Variants in SYNE1 observed in about 807,000 individuals in gnomAD.
SYNE1 encodes nesprin-1.
Under a neutral mutation model 1,111.0 loss-of-function variants are expected in SYNE1, and 616 were observed. The ratio of observed to expected loss-of-function variants is 0.55; its 90% confidence interval spans 0.52 to 0.59. SYNE1 has a LOEUF of 0.59. Ranked by LOEUF, SYNE1 falls within the 20% of genes least tolerant of loss-of-function variation. The pLI is 0.00. For missense variants in SYNE1, 10,006 were observed against 10,417.0 expected (o/e 0.96, Z 1.72); for synonymous variants, 3,855 against 3,825.8 (o/e 1.01, Z -0.28).
At position 152,502,664 on chromosome 6, in the gene SYNE1, T is replaced by A. The variant is rs1365547560; in HGVS notation, c.857A>T (p.His286Leu). Reference sequence around the variant, plus strand: ...CTCTTGCCCATCAGTGCTTGCATTGTGGATGTCAGGATAATGTTTCAGAAA... The same window carrying A: ...CTCTTGCCCATCAGTGCTTGCATTGAGGATGTCAGGATAATGTTTCAGAAA... ...AQFLKHYPDI[H>L]NASTDGQEDD... The change falls in exon 10 of 146, where the codon CAC becomes CTC. Residue 286 changes from histidine to leucine, a missense_variant. This residue lies in a region of SYNE1 where 1,971 missense variants were observed against 2,084.1 expected (regional missense o/e 0.95). Transcript: ENST00000367255. The A allele has an allele frequency of 6.2e-7, 1 of 1,613,902 alleles. No homozygotes were observed. The highest frequency in any genetic ancestry group is 1.7e-5 in the Admixed American group (1 of 60,028).
intron 132 of SYNE1, 41 bp from the exon 133 acceptor site, chr6:152,155,083 A>G: frequency 6.2e-7 from 1 of 1,613,306 alleles, no homozygotes; most frequent in Non-Finnish European, 8.5e-7. Context: ...ATTATTGGAG[A>G]CTGTTTTCGC....
intron 3 of SYNE1, among the ~76,000 whole-genome samples, chr6:152,599,782 T>A (rs2099591791): frequency 6.6e-6 from 1 of 152,224 alleles, no homozygotes; most frequent in South Asian, 2.1e-4. Flanking sequence ...TTACTTATCC[T>A]ACAAAAGCAA....
chr6:152,198,057 G>A (rs1169844633), intron 127 of SYNE1, among the ~76,000 whole-genome samples: 5 of 150,552 alleles, frequency 3.3e-5, no homozygotes, highest in Admixed American at 2.0e-4. Context: ...AAGGAAAGAC[G>A]GAAAGAAAGA....
At chr6:152,503,188 T>C (rs1023789904) in intron 9 of SYNE1, among the ~76,000 whole-genome samples, 1 of 152,140 alleles carries the variant, frequency 6.6e-6, no homozygotes, top group Non-Finnish European at 1.5e-5. Flanking sequence ...CATATATATA[T>C]ATATACACAC....
intron 3 of SYNE1, among the ~76,000 whole-genome samples, chr6:152,588,641 A>G (rs1396422439): frequency 6.6e-6 from 1 of 152,148 alleles, no homozygotes; most frequent in Non-Finnish European, 1.5e-5. Context: ...GTGGGATGTC[A>G]GACTTGCCAG....
chr6:152,176,848 A>G (rs1284804704), intron 129 of SYNE1, among the ~76,000 whole-genome samples: 1 of 152,160 alleles, frequency 6.6e-6, no homozygotes, highest in Non-Finnish European at 1.5e-5. Flanking sequence ...AGATAGATAT[A>G]AAAAATAAAA....
chr6:152,302,834 A>G (rs543453382), intron 91 of SYNE1, among the ~76,000 whole-genome samples: 1 of 152,266 alleles, frequency 6.6e-6, no homozygotes, highest in East Asian at 1.9e-4. Flanking sequence ...TTGAGCAGAC[A>G]AGAATGAAAA....
rs1048065610 is a variant in SYNE1 at position 152,141,215 on chromosome 6, T to C, written c.25234A>G (p.Thr8412Ala). Residue 8412 changes from threonine (T) to alanine (A), a missense_variant, in exon 139 of 146, where the codon ACC becomes GCC. By Grantham distance (58) the Thr-to-Ala change is moderately conservative. Around this residue, in one of 7 missense-constraint regions of SYNE1, gnomAD observed 761 missense variants for 795.5 expected, o/e 0.96. Transcript: ENST00000367255. Reference sequence around the variant, plus strand: ...GCTACGCACTCACCAGCCGTTTGGGTTTCGGTACTATGCAGGTTAACAAAG... The same window carrying C: ...GCTACGCACTCACCAGCCGTTTGGGCTTCGGTACTATGCAGGTTAACAAAG... Reference protein sequence around the residue: ...PGFVNLHSTETQTAGVIDRWE... With the variant: ...PGFVNLHSTEAQTAGVIDRWE... 5 of 1,613,402 alleles carry C rather than the reference T, an allele frequency of 3.1e-6. No homozygotes were observed. The Admixed American group carries it at 5.0e-5, about 16-fold the overall frequency.
chr6:152,282,300 A>T (rs1454947262), intron 96 of SYNE1, among the ~76,000 whole-genome samples: 1 of 152,212 alleles, frequency 6.6e-6, no homozygotes, highest in Non-Finnish European at 1.5e-5. Context: ...GAACAAAACA[A>T]TGGCATAAAG....
At chr6:152,353,998 G>C (rs1364774505) in intron 67 of SYNE1, among the ~76,000 whole-genome samples, 1 of 152,108 alleles carries the variant, frequency 6.6e-6, no homozygotes, top group Non-Finnish European at 1.5e-5. Context: ...AAACAGGCCA[G>C]GTGCGGTGGC....
rs530815196 is a variant in SYNE1 at position 152,126,518 on chromosome 6, G to A, written c.26154-3842C>T. The A allele has an allele frequency of 3.9e-5, 6 of 152,208 alleles. No individual in the cohort carries two copies. The South Asian group carries it at 1.2e-3, about 32-fold the overall frequency. 9.4% of individuals were successfully genotyped at this position (152,208 alleles called of 1,614,324 possible). On this transcript the variant is annotated intron_variant, in intron 145 of 145. Coordinates refer to ENST00000367255, the MANE Select transcript of SYNE1 (RefSeq NM_182961.4). Reference sequence around the variant, plus strand: ...GCCAGTTTAGATTGTGTTTATATAGGAAAAATTAAATGTGTGAGCCTCCTT... The same window carrying A: ...GCCAGTTTAGATTGTGTTTATATAGAAAAAATTAAATGTGTGAGCCTCCTT...
At position 152,465,828 on chromosome 6, in the gene SYNE1, C is replaced by T. The variant is rs13211693; in HGVS notation, c.1729+154G>A. Among the ~76,000 whole-genome samples the T allele has an allele frequency of 0.18, 26,989 of 150,890 alleles. 2,853 individuals carry two copies. Among genetic ancestry groups the T allele is most frequent in the Non-Finnish European group, 0.22 (15,256 of 67,806 alleles). ...TATGCAGGTTAGGCATTGTACAAAGCCAAGGGAACTGAATCCAGTATGTGT... is the reference window on the plus strand; with the variant it reads ...TATGCAGGTTAGGCATTGTACAAAGTCAAGGGAACTGAATCCAGTATGTGT... On this transcript the variant is annotated intron_variant, in intron 17 of 145. Coordinates refer to ENST00000367255, the MANE Select transcript of SYNE1 (RefSeq NM_182961.4).
intron 38 of SYNE1, among the ~76,000 whole-genome samples, chr6:152,426,972 T>C (rs2098367808): frequency 6.6e-6 from 1 of 152,238 alleles, no homozygotes. Context: ...GGGAGAAAGT[T>C]GGAGTATAAA....
chr6:152,261,951 G>A (rs2092055042), intron 101 of SYNE1, 81 bp downstream of exon 101: 1 of 1,183,612 alleles, frequency 8.4e-7, no homozygotes, highest in African/African-American at 1.5e-5. Flanking sequence ...TGAAAATTAA[G>A]TTGATTGCAC....
chr6:152,510,808 G>A (rs913302611), intron 7 of SYNE1, among the ~76,000 whole-genome samples: 8 of 152,128 alleles, frequency 5.3e-5, no homozygotes, highest in African/African-American at 1.7e-4. Flanking sequence ...GTTCTTCGGG[G>A]TGTGAGGTTC....
chr6:152,130,624 T>G (rs2055284304), intron 145 of SYNE1, 96 bp downstream of exon 145: 1 of 1,300,966 alleles, frequency 7.7e-7, no homozygotes, highest in South Asian at 1.2e-5. Context: ...CCAACTACCC[T>G]GAGGCAGACC....
rs141397515 is a variant in SYNE1, at chr6:152,354,732, T to C, written c.10853A>G (p.Glu3618Gly). The change falls in exon 67 of 146, where the codon GAG becomes GGG. Residue 3618 changes from glutamate (E) to glycine (G), a missense_variant. Glu to Gly is a moderately conservative substitution (Grantham distance 98). Transcript: ENST00000367255. ...QQVDEWLKTA[E>G]EKVSPRTRRQ... The stretch of plus-strand genomic sequence containing the variant: ...TCTGGTCCTGGGACTAACTTTCTCC[T>C]CTGCTGTTTTGAGCCATTCATCTAC... The C allele has an allele frequency of 1.2e-6, 2 of 1,614,258 alleles. No individual in the cohort carries two copies. Among genetic ancestry groups the C allele is most frequent in the Non-Finnish European group, 1.7e-6 (2 of 1,180,058 alleles).
intron 46 of SYNE1, among the ~76,000 whole-genome samples, chr6:152,401,936 C>T (rs958140123): frequency 2.0e-5 from 3 of 152,170 alleles, no homozygotes; most frequent in African/African-American, 7.2e-5. Context: ...AACATCCTGG[C>T]CTATTTGGTA....
At chr6:152,533,741 C>T (rs2099217577) in intron 4 of SYNE1, among the ~76,000 whole-genome samples, 1 of 152,118 alleles carries the variant, frequency 6.6e-6, no homozygotes, top group Admixed American at 6.6e-5. Context: ...AGGATATAAG[C>T]TTCATAATGA....
Sources: allele counts gnomAD v4.1 joint callset (sites outside exome capture counted in the v4.1 genomes callset), GRCh38; gene constraint gnomAD v4.1.1; regional missense constraint gnomAD v4.1.1; transcripts MANE v1.5; gene names NCBI Gene and HGNC (gene_info 2026-07-23, HGNC 2026-07-21).